Variants in KDM2A observed in about 807,000 individuals in gnomAD.
The protein encoded by KDM2A is lysine-specific demethylase 2A.
Under a neutral mutation model 137.3 loss-of-function variants are expected in KDM2A, and 3 were observed. The ratio of observed to expected loss-of-function variants is 0.02; its 90% CI spans 0.01 to 0.06. The LOEUF (loss-of-function observed/expected upper bound fraction) is 0.06. Among genes scored for constraint, KDM2A ranks in the 10% least tolerant of loss-of-function variants. The pLI, the probability that KDM2A is intolerant of heterozygous loss-of-function variation, is 1.00. For missense variants in KDM2A, 738 were observed against 1,510.6 expected, an observed-to-expected ratio of 0.49 and a Z score of 8.48; for synonymous variants, 512 against 541.5, an observed-to-expected ratio of 0.95 and a Z score of 0.76.
At chr11:67,161,257 G>A (rs929722418) in intron 2 of KDM2A, among the ~76,000 whole-genome samples, 2 of 152,206 alleles carry the variant, frequency 1.3e-5, no homozygotes, top group Admixed American at 6.5e-5. Context: ...AGTGATGGCT[G>A]TGATGACAGC....
chr11:67,226,669 C>T (rs941387592), intron 10 of KDM2A, among the ~76,000 whole-genome samples: 2 of 152,120 alleles, frequency 1.3e-5, no homozygotes, highest in African/African-American at 4.8e-5. Context: ...TTGCAGTGAG[C>T]CGAGATCGCG....
chr11:67,229,645 C>T (rs571241789), intron 11 of KDM2A, among the ~76,000 whole-genome samples: 9 of 151,524 alleles, frequency 5.9e-5, no homozygotes, highest in South Asian at 2.1e-4. Context: ...CTGAGGCGGG[C>T]GGATCATGAG....
intron 10 of KDM2A, among the ~76,000 whole-genome samples, chr11:67,224,461 CTT>C (rs35180780): frequency 5.3e-5 from 5 of 95,156 alleles, no homozygotes; most frequent in East Asian, 3.2e-4. Flanking sequence ...TAACCCCTTT[CTT>C]TTTTTTTTTT....
chr11:67,227,314 A>G (rs904850883), intron 10 of KDM2A, among the ~76,000 whole-genome samples: 2 of 152,152 alleles, frequency 1.3e-5, no homozygotes, highest in African/African-American at 4.8e-5. Flanking sequence ...AAACTTTAGT[A>G]TTTGTAATAG....
At chr11:67,195,851 C>T (rs896919308) in intron 5 of KDM2A, 9 of 249,322 alleles carry the variant, frequency 3.6e-5, no homozygotes, top group East Asian at 2.5e-4. Flanking sequence ...AAGCTGGTTC[C>T]GTTGCCAGTA....
Position 67,207,556 on chromosome 11 carries a change from C to T in KDM2A, c.354C>T (p.Gly118=). The part of the protein sequence containing the change: ...VDVMDVNTQK[G]IEMTMAQWTR... ...TCATGGACGTGAACACACAGAAAGG[C>T]ATTGAAATGACCATGGCTCAGTGGA... Residue 118 remains glycine, a synonymous_variant, in exon 6 of 21, where the codon GGC becomes GGT. Coordinates refer to ENST00000529006, the MANE Select transcript of KDM2A (RefSeq NM_012308.3). 1 of 1,613,338 alleles carries T rather than the reference C, an allele frequency of 6.2e-7. No homozygotes were observed. Among genetic ancestry groups the T allele is most frequent in the Non-Finnish European group, 8.5e-7 (1 of 1,179,586 alleles).
chr11:67,199,966 AAAG>A (rs1264811791), intron 5 of KDM2A, among the ~76,000 whole-genome samples: 1 of 152,222 alleles, frequency 6.6e-6, no homozygotes, highest in African/African-American at 2.4e-5. Context: ...CATTCCAAAA[AAAG>A]CTTATTTACC....
In KDM2A at chr11:67,250,927, T is replaced by C. The variant is rs577212113; in HGVS notation, c.2768+129T>C. ...CTTATGAGGAGTGAATTGACCCTTT[T>C]TCCCAAACTTTGGGTCCTGTTTAAA... On this transcript the variant is annotated intron_variant, in intron 17 of 20. Transcript: ENST00000529006. This position sits in a 1 kb window ranked among gnomAD's most constrained non-coding sequence, Gnocchi z 7.1. The C allele has an allele frequency of 2.0e-4, 146 of 723,648 alleles. No homozygotes were observed. Among genetic ancestry groups the C allele is most frequent in the Non-Finnish European group, 3.1e-4 (136 of 434,858 alleles). 44.8% of individuals were successfully genotyped at this position (723,648 alleles called of 1,614,324 possible).
chr11:67,196,766 C>T (rs962740076), intron 5 of KDM2A: 3 of 280,482 alleles, frequency 1.1e-5, no homozygotes, highest in African/African-American at 6.8e-5. Flanking sequence ...ATAAGATGAA[C>T]AGAGTTATGG....
chr11:67,208,491 C>A (rs957290196), intron 6 of KDM2A, among the ~76,000 whole-genome samples: 3 of 151,970 alleles, frequency 2.0e-5, no homozygotes, highest in African/African-American at 7.3e-5. Context: ...AACCTTGGGG[C>A]CAGGCGCAGT....
rs1373643750 is a variant in KDM2A at position 67,250,933 on chromosome 11, A to G, written c.2768+135A>G. On this transcript the variant is annotated intron_variant, in intron 17 of 20. Transcript: ENST00000529006. The surrounding 1 kb of genome is among the most constrained non-coding windows in gnomAD (Gnocchi z 7.1). ...AGGAGTGAATTGACCCTTTTTCCCA[A>G]ACTTTGGGTCCTGTTTAAAGATGTA... 12 of 700,906 alleles carry G rather than the reference A, an allele frequency of 1.7e-5. No homozygotes were observed. Among genetic ancestry groups the G allele is most frequent in the Non-Finnish European group, 2.9e-5 (12 of 415,372 alleles). The allele number at this position is 700,906 out of a possible 1,614,324, so 43.4% of individuals were successfully genotyped here.
chr11:67,158,574 G>A (rs1856570755), intron 2 of KDM2A, among the ~76,000 whole-genome samples: 1 of 152,134 alleles, frequency 6.6e-6, no homozygotes, highest in Non-Finnish European at 1.5e-5. Context: ...ATTTGGTGTT[G>A]TATTTTCAAT....
chr11:67,199,811 C>T (rs1857573435), intron 5 of KDM2A, among the ~76,000 whole-genome samples: 1 of 152,152 alleles, frequency 6.6e-6, no homozygotes, highest in Non-Finnish European at 1.5e-5. Context: ...ACAGATTTTC[C>T]ATGTAAATGA....
intron 5 of KDM2A, among the ~76,000 whole-genome samples, chr11:67,186,162 A>T (rs1476845351): frequency 2.6e-5 from 4 of 152,236 alleles, no homozygotes; most frequent in African/African-American, 7.2e-5. Context: ...ATGAACTCCA[A>T]GTAAGATGAA....
intron 2 of KDM2A, among the ~76,000 whole-genome samples, chr11:67,126,344 G>A (rs1444040172): frequency 6.6e-6 from 1 of 152,106 alleles, no homozygotes; most frequent in East Asian, 1.9e-4. Flanking sequence ...GGAGGCCAGG[G>A]AGGGAGGATC....
chr11:67,158,901 T>A lies in KDM2A; in HGVS notation c.43-21178T>A, dbSNP rs528229147. Among the ~76,000 whole-genome samples, 8 of 152,338 alleles carry A rather than the reference T, an allele frequency of 5.3e-5. No homozygotes were observed. In the South Asian group the frequency reaches 1.7e-3, roughly 32 times the overall value. The stretch of plus-strand genomic sequence containing the variant: ...ATTGTGATGTTTTAAAAGTTGATTG[T>A]AAATTTTGAGTATTAAGTCTTTATA... On this transcript the variant is annotated intron_variant, in intron 2 of 20. Transcript: ENST00000529006.
intron 18 of KDM2A, 30 bp downstream of exon 18, chr11:67,252,887 C>T (rs1859477809): frequency 6.3e-7 from 1 of 1,581,288 alleles, no homozygotes; most frequent in Admixed American, 1.8e-5. Flanking sequence ...GCTGTCTTTC[C>T]AGGGGCCCAG....
chr11:67,252,655 C>A, intron 17 of KDM2A, 39 bp from the exon 18 acceptor site: 1 of 1,611,512 alleles, frequency 6.2e-7, no homozygotes, highest in Non-Finnish European at 8.5e-7. Flanking sequence ...CTCCACTGAT[C>A]AAGTTAATGA....
At chr11:67,218,741 G>C (rs1858244514) in intron 9 of KDM2A, among the ~76,000 whole-genome samples, 1 of 152,142 alleles carries the variant, frequency 6.6e-6, no homozygotes, top group Admixed American at 6.6e-5. Context: ...CTCCCGAGTA[G>C]CTGGGATTAC....
Sources: allele counts gnomAD v4.1 joint callset (sites outside exome capture counted in the v4.1 genomes callset), GRCh38; gene constraint gnomAD v4.1.1; non-coding constraint Gnocchi (gnomAD v3.1); transcripts MANE v1.5; gene names NCBI Gene and HGNC (gene_info 2026-07-23, HGNC 2026-07-21).